ASAP1: variants seen among roughly 807,000 people sequenced by gnomAD.
ASAP1 encodes ArfGAP with SH3 domain, ankyrin repeat and PH domain 1.
Under a neutral mutation model 145.2 loss-of-function variants are expected in ASAP1, and 43 were observed. The observed-to-expected ratio is 0.30, with a 90% CI of 0.23 to 0.38. The LOEUF is 0.38. Among genes scored for constraint, ASAP1 ranks in the 10% least tolerant of loss-of-function variants. The pLI is 1.00. For synonymous variants in ASAP1, 546 were observed against 515.5 expected, an observed-to-expected ratio of 1.06 and a Z score of -0.80; for missense variants, 1,018 against 1,355.3, an observed-to-expected ratio of 0.75 and a Z score of 3.91.
chr8:130,109,933 G>C (rs1399264789), intron 24 of ASAP1, among the ~76,000 whole-genome samples: 1 of 152,170 alleles, frequency 6.6e-6, no homozygotes, highest in Non-Finnish European at 1.5e-5. Context: ...GGTTTTTGTA[G>C]GGAGGATTTC....
intron 24 of ASAP1, among the ~76,000 whole-genome samples, chr8:130,106,993 C>G (rs1187282512): frequency 3.3e-5 from 5 of 152,156 alleles, no homozygotes; most frequent in African/African-American, 1.2e-4. Context: ...CTTGTATTTA[C>G]TGAATGCTCA....
chr8:130,137,074 G>A (rs1265240111), intron 13 of ASAP1, 36 bp from the exon 14 acceptor site: 6 of 1,544,394 alleles, frequency 3.9e-6, no homozygotes, highest in East Asian at 2.2e-5. Flanking sequence ...GTTACATGCA[G>A]CTCCACTCTC....
intron 3 of ASAP1, among the ~76,000 whole-genome samples, chr8:130,245,088 C>T (rs75188202): frequency 1.3e-5 from 2 of 151,928 alleles, no homozygotes; most frequent in Non-Finnish European, 2.9e-5. Flanking sequence ...ACCTGGCAGC[C>T]GCAGCTTATA....
chr8:130,101,765 T>C (rs1446728822), intron 24 of ASAP1, among the ~76,000 whole-genome samples: 2 of 115,646 alleles, frequency 1.7e-5, no homozygotes, highest in Admixed American at 1.0e-4. Flanking sequence ...AGAGATAGGG[T>C]TTCACCATGT....
At chr8:130,288,008 G>T (rs913600344) in intron 3 of ASAP1, among the ~76,000 whole-genome samples, 1 of 152,138 alleles carries the variant, frequency 6.6e-6, no homozygotes, top group Non-Finnish European at 1.5e-5. Context: ...ACCCATGCAG[G>T]GTGAGGCCAT....
intron 13 of ASAP1, among the ~76,000 whole-genome samples, chr8:130,143,074 T>C (rs2097616455): frequency 6.6e-6 from 1 of 152,210 alleles, no homozygotes; most frequent in Non-Finnish European, 1.5e-5. Flanking sequence ...ACTATGTGAA[T>C]TATTCAGTGC....
At chr8:130,208,571 T>C (rs1816377194) in intron 5 of ASAP1, 1 of 151,728 alleles carries the variant, frequency 6.6e-6, no homozygotes, top group Non-Finnish European at 1.5e-5. Flanking sequence ...TTTAAGGCAA[T>C]AAAAGCTTAC....
intron 8 of ASAP1, among the ~76,000 whole-genome samples, chr8:130,180,342 G>A (rs750213628): frequency 2.0e-5 from 3 of 152,126 alleles, no homozygotes; most frequent in Admixed American, 6.5e-5. Flanking sequence ...TGCATTTTTC[G>A]TGAAATCGAC....
At chr8:130,145,844 T>C (rs980250998) in intron 13 of ASAP1, among the ~76,000 whole-genome samples, 1 of 115,360 alleles carries the variant, frequency 8.7e-6, no homozygotes, top group African/African-American at 3.1e-5. Context: ...AAAGTAAAAC[T>C]TTTTTTTTTT....
chr8:130,091,476 C>T (rs965796792), intron 25 of ASAP1, among the ~76,000 whole-genome samples: 9 of 152,146 alleles, frequency 5.9e-5, no homozygotes, highest in African/African-American at 2.2e-4. Context: ...GATAGAGTGG[C>T]AGGAGAGGGT....
Position 130,072,824 on chromosome 8 carries a change from T to TGTGTGTGTGTGTGCGCGCGCGCGCGC in ASAP1, c.2701+3523_2701+3524insGCGCGCGCGCGCGCACACACACACAC. Among the ~76,000 whole-genome samples the TGTGTGTGTGTGTGCGCGCGCGCGCGC allele has an allele frequency of 3.1e-3, 101 of 32,278 alleles. 1 individual carries two copies. The highest frequency in any genetic ancestry group is 0.016 in the Middle Eastern group (1 of 62). 21.2% of individuals were successfully genotyped at this position (32,278 alleles called of 152,430 possible). On this transcript the variant is annotated intron_variant, in intron 27 of 29. Transcript: ENST00000518721. ...GTGTGTGTGTGTGTGTGTGTGTGTG[T>TGTGTGTGTGTGTGCGCGCGCGCGCGC]GCGCGCGGGGGGGGGCAGTTTTGGG...
chr8:130,063,528 G>A (rs1229319847), intron 27 of ASAP1, among the ~76,000 whole-genome samples: 3 of 152,172 alleles, frequency 2.0e-5, no homozygotes, highest in Non-Finnish European at 2.9e-5. Flanking sequence ...CACTGGCCCA[G>A]GTGACTCAAC....
intron 1 of ASAP1, among the ~76,000 whole-genome samples, chr8:130,438,596 C>A (rs1307815030): frequency 6.6e-6 from 1 of 152,086 alleles, no homozygotes; most frequent in African/African-American, 2.4e-5. Flanking sequence ...GGGTACGAGG[C>A]GGGGAGCTGG....
chr8:130,248,537 T>C (rs1441701893), intron 3 of ASAP1, among the ~76,000 whole-genome samples: 1 of 152,100 alleles, frequency 6.6e-6, no homozygotes, highest in Non-Finnish European at 1.5e-5. Flanking sequence ...CTGGATTGTA[T>C]TCTGGAGGCC....
At chr8:130,186,521 A>C (rs1471535363) in intron 7 of ASAP1, among the ~76,000 whole-genome samples, 1 of 152,068 alleles carries the variant, frequency 6.6e-6, no homozygotes, top group Admixed American at 6.6e-5. Flanking sequence ...TAATAATAAT[A>C]AAGGAATGTG....
chr8:130,108,845 G>A (rs1018167104), intron 24 of ASAP1, among the ~76,000 whole-genome samples: 13 of 122,888 alleles, frequency 1.1e-4, no homozygotes, highest in South Asian at 2.8e-4. Flanking sequence ...GCACAATCTC[G>A]GCTCACCACA....
intron 3 of ASAP1, among the ~76,000 whole-genome samples, chr8:130,277,562 GAC>G (rs756407519): frequency 2.6e-5 from 4 of 152,118 alleles, no homozygotes; most frequent in Non-Finnish European, 5.9e-5. Context: ...AGCACAAAGT[GAC>G]ACAGAGTTCT....
intron 24 of ASAP1, among the ~76,000 whole-genome samples, chr8:130,108,191 CTCTCTAAGGTAGGAAG>C (rs1293020315): frequency 6.6e-6 from 1 of 152,172 alleles, no homozygotes; most frequent in Non-Finnish European, 1.5e-5. Flanking sequence ...AAGCCAGAGC[CTCTCTAAGGTAGGAAG>C]TCTACATTAT....
chr8:130,126,320 G>C lies in ASAP1; in HGVS notation c.1382-231C>G, dbSNP rs182670072. On this transcript the variant is annotated intron_variant, in intron 16 of 29. Transcript: ENST00000518721. ...TTATCCTTGTGAAAAAGTGAGAAAG[G>C]CTTTCCTTAAGAGACCCTATGCAAC... 1.5e-3 allele frequency among the ~76,000 whole-genome samples: 233 copies of C among 152,284 alleles called. 4 individuals carry two copies. The highest frequency in any genetic ancestry group is 3.7e-4 in the Non-Finnish European group (25 of 68,030).
Sources: gnomAD v4.1 joint callset for allele counts (sites outside exome capture counted in the v4.1 genomes callset) on GRCh38, gnomAD v4.1.1 for gene constraint, MANE v1.5 for transcripts, NCBI Gene and HGNC (gene_info 2026-07-23, HGNC 2026-07-21) for gene names.